Variants in SHANK2 observed in about 807,000 individuals in gnomAD.
SHANK2 encodes SH3 and multiple ankyrin repeat domains 2, also known as SH3 and multiple ankyrin repeat domains protein 2.
SHANK2 carries 43 observed loss-of-function variants against 133.7 expected under a neutral mutation model. The observed-to-expected ratio is 0.32, with a 90% CI of 0.25 to 0.41. The LOEUF (loss-of-function observed/expected upper bound fraction) is 0.41, where lower values mean the gene tolerates loss of function less well. Ranked by LOEUF, SHANK2 falls within the 10% of genes least tolerant of loss-of-function variation. The probability of loss-of-function intolerance (pLI) is 1.00; values close to 1 mark genes in which losing one functional copy is unlikely to be tolerated. For missense variants in SHANK2, 1,994 were observed against 2,235.8 expected, an observed-to-expected ratio of 0.89 and a Z score of 2.18; for synonymous variants, 1,017 against 952.8, an observed-to-expected ratio of 1.07 and a Z score of -1.24.
At chr11:70,561,725 G>GT (rs1307209559) in intron 17 of SHANK2, among the ~76,000 whole-genome samples, 3 of 147,458 alleles carry the variant, frequency 2.0e-5, no homozygotes, top group Admixed American at 6.8e-5. Context: ...ATGGCAGGGG[G>GT]GGTCTCACTA....
intron 14 of SHANK2, among the ~76,000 whole-genome samples, chr11:70,788,768 T>C (rs1178027860): frequency 6.6e-6 from 1 of 152,178 alleles, no homozygotes; most frequent in Admixed American, 6.5e-5. Flanking sequence ...AAGTGTGTCC[T>C]GAAACCCCGA....
At chr11:71,230,004 C>A (rs1555122762) in intron 1 of SHANK2, among the ~76,000 whole-genome samples, 1 of 152,170 alleles carries the variant, frequency 6.6e-6, no homozygotes, top group African/African-American at 2.4e-5. Flanking sequence ...AAAATCTCAG[C>A]AAAATTTTTT....
chr11:70,636,349 G>A (rs933212978), intron 17 of SHANK2, among the ~76,000 whole-genome samples: 3 of 151,986 alleles, frequency 2.0e-5, no homozygotes, highest in Non-Finnish European at 4.4e-5. Flanking sequence ...ATGCGTGTTA[G>A]TACATGTGCA....
At chr11:70,922,189 A>G (rs578109145) in intron 10 of SHANK2, among the ~76,000 whole-genome samples, 3 of 152,218 alleles carry the variant, frequency 2.0e-5, no homozygotes, top group Non-Finnish European at 4.4e-5. Context: ...GGAGATGGAT[A>G]AGGAAATTGG....
At chr11:70,645,200 TTC>T (rs2061243577) in intron 17 of SHANK2, among the ~76,000 whole-genome samples, 1 of 152,030 alleles carries the variant, frequency 6.6e-6, no homozygotes, top group African/African-American at 2.4e-5. Context: ...AACAGTGAGA[TTC>T]TGTCTCAAAA....
rs939184457 is a variant in SHANK2 at position 70,818,997 on chromosome 11, C to T, written c.1493+1367G>A. Among the ~76,000 whole-genome samples the T allele has an allele frequency of 2.6e-5, 4 of 152,218 alleles. 1 individual carries two copies. In the South Asian group the frequency reaches 8.3e-4, roughly 31 times the overall value. On this transcript the variant is annotated intron_variant, in intron 12 of 25. Coordinates refer to ENST00000601538, the MANE Select transcript of SHANK2 (RefSeq NM_012309.5). ...GGTGGCGGTCTTCCTCCCTGACATC[C>T]CTGACCTTAGCTGGCAACAGAGCAT... is the stretch of plus-strand genomic sequence containing the variant.
chr11:70,911,869 G>A (rs565844648), intron 10 of SHANK2, among the ~76,000 whole-genome samples: 5 of 152,104 alleles, frequency 3.3e-5, no homozygotes, highest in African/African-American at 1.2e-4. Flanking sequence ...ATCACCTGAG[G>A]TCAGGAGTTT....
intron 6 of SHANK2, among the ~76,000 whole-genome samples, chr11:71,096,714 CAGTT>C (rs1303663986): frequency 3.3e-5 from 5 of 152,204 alleles, no homozygotes; most frequent in African/African-American, 9.6e-5. Flanking sequence ...GCCTTCAAAA[CAGTT>C]AGGATTTTCT....
intron 10 of SHANK2, among the ~76,000 whole-genome samples, chr11:70,914,248 A>C (rs1169334174): frequency 6.6e-6 from 1 of 152,086 alleles, no homozygotes; most frequent in Non-Finnish European, 1.5e-5. Flanking sequence ...ACAAGTGTGC[A>C]ATGGGGTTCC....
chr11:70,732,706 C>A (rs1170621058), intron 14 of SHANK2, among the ~76,000 whole-genome samples: 2 of 152,248 alleles, frequency 1.3e-5, no homozygotes, highest in African/African-American at 4.8e-5. Context: ...GCAGCCCATG[C>A]CCTTGCTTCT....
chr11:71,229,407 T>C (rs1954699006), intron 1 of SHANK2, among the ~76,000 whole-genome samples: 1 of 152,192 alleles, frequency 6.6e-6, no homozygotes, highest in Admixed American at 6.5e-5. Flanking sequence ...TAAAATCAAT[T>C]GTATTCTCTA....
intron 2 of SHANK2, among the ~76,000 whole-genome samples, chr11:71,206,060 C>A (rs1454604453): frequency 2.0e-5 from 3 of 152,194 alleles, no homozygotes; most frequent in African/African-American, 7.2e-5. Flanking sequence ...CTGCATGGAA[C>A]CCTCCACGTT....
At chr11:70,609,310 G>A (rs1425383051) in intron 17 of SHANK2, among the ~76,000 whole-genome samples, 1 of 152,220 alleles carries the variant, frequency 6.6e-6, no homozygotes, top group Non-Finnish European at 1.5e-5. Flanking sequence ...CTGTTGCAGG[G>A]TCACAGGAGG....
chr11:70,778,603 A>T (rs1295950678), intron 14 of SHANK2, among the ~76,000 whole-genome samples: 4 of 152,202 alleles, frequency 2.6e-5, no homozygotes, highest in Non-Finnish European at 4.4e-5. Flanking sequence ...GCACAAGGAA[A>T]GGCCCTGTGA....
At chr11:70,613,763 GTT>G (rs57180024) in intron 17 of SHANK2, among the ~76,000 whole-genome samples, 11 of 123,774 alleles carry the variant, frequency 8.9e-5, no homozygotes, top group African/African-American at 1.5e-4. Flanking sequence ...AGGGGAACTT[GTT>G]TTTTTTTTTT....
chr11:70,514,265 A>T (rs1039138901), intron 17 of SHANK2, among the ~76,000 whole-genome samples: 20 of 152,222 alleles, frequency 1.3e-4, no homozygotes, highest in Non-Finnish European at 1.5e-5. Context: ...AAAAAACACA[A>T]CTAGAATTCC....
At chr11:70,774,253 G>A (rs571150055) in intron 14 of SHANK2, among the ~76,000 whole-genome samples, 10 of 152,190 alleles carry the variant, frequency 6.6e-5, no homozygotes, top group African/African-American at 2.2e-4. Flanking sequence ...GACAGAACAG[G>A]CAAATCTAGA....
intron 3 of SHANK2, among the ~76,000 whole-genome samples, chr11:71,139,463 T>A (rs1451214349): frequency 6.6e-6 from 1 of 152,014 alleles, no homozygotes; most frequent in Non-Finnish European, 1.5e-5. Flanking sequence ...GTAACTAACC[T>A]GCACATTGTG....
At chr11:70,774,316 A>T (rs1346396049) in intron 14 of SHANK2, among the ~76,000 whole-genome samples, 1 of 150,576 alleles carries the variant, frequency 6.6e-6, no homozygotes, top group Non-Finnish European at 1.5e-5. Flanking sequence ...GAAATCGGGG[A>T]GTGACTTTTG....
Sources: gnomAD v4.1 joint callset for allele counts (sites outside exome capture counted in the v4.1 genomes callset) on GRCh38, gnomAD v4.1.1 for gene constraint, MANE v1.5 for transcripts, NCBI Gene and HGNC (gene_info 2026-07-23, HGNC 2026-07-21) for gene names.